NRG3: variants seen among roughly 807,000 people sequenced by gnomAD.
NRG3 encodes neuregulin 3, also known as pro-neuregulin-3, membrane-bound isoform.
In NRG3, 31 loss-of-function variants were observed where a neutral mutation model predicts 66.9. The ratio of observed to expected loss-of-function variants is 0.46; its 90% CI spans 0.35 to 0.63. The LOEUF (loss-of-function observed/expected upper bound fraction) is 0.63. NRG3 is among the 20% of genes least tolerant of loss of function. The pLI, the probability that NRG3 is intolerant of heterozygous loss-of-function variation, is 0.00. For missense variants in NRG3, 910 were observed against 878.9 expected (o/e 1.04, Z -0.45); for synonymous variants, 393 against 359.4 (o/e 1.09, Z -1.06).
chr10:81,929,820 C>A (rs1179916913), intron 1 of NRG3, among the ~76,000 whole-genome samples: 1 of 152,168 alleles, frequency 6.6e-6, no homozygotes, highest in Non-Finnish European at 1.5e-5. Flanking sequence ...AGAAGTCTAC[C>A]AGATGATTCT....
In NRG3 at chr10:82,238,988, G is replaced by C. The variant is rs1001064763; in HGVS notation, c.824-119751G>C. ...TTCTTTACTTCCTCCAAGTCATAAA[G>C]ATATTTTCTCATGGTTTTTTCTTAT... On this transcript the variant is annotated intron_variant, in intron 1 of 8. Transcript: ENST00000372141. Among the ~76,000 whole-genome samples, 3 of 136,644 alleles carry C rather than the reference G, an allele frequency of 2.2e-5. 1 individual carries two copies. The South Asian group carries it at 6.8e-4, about 31-fold the overall frequency. 89.6% of individuals were successfully genotyped at this position (136,644 alleles called of 152,430 possible). A position where few individuals can be genotyped will look rare whatever the true frequency, so the allele number is the denominator to read the frequency against.
At chr10:82,984,008 C>T (rs958153136) in intron 8 of NRG3, among the ~76,000 whole-genome samples, 1 of 152,202 alleles carries the variant, frequency 6.6e-6, no homozygotes, top group Non-Finnish European at 1.5e-5. Flanking sequence ...TTATTATCTA[C>T]ATGTATAAAC....
At chr10:82,769,702 T>C (rs368557953) in intron 3 of NRG3, among the ~76,000 whole-genome samples, 3 of 152,238 alleles carry the variant, frequency 2.0e-5, no homozygotes, top group South Asian at 2.1e-4. Flanking sequence ...TAAAAATTAC[T>C]AGCACAAGTC....
chr10:82,598,077 G>A (rs1185821253), intron 2 of NRG3, among the ~76,000 whole-genome samples: 1 of 152,154 alleles, frequency 6.6e-6, no homozygotes, highest in East Asian at 1.9e-4. Context: ...AGTGGTCTGA[G>A]TCATTGTGAT....
At chr10:82,249,923 G>T (rs1018622847) in intron 1 of NRG3, among the ~76,000 whole-genome samples, 2 of 152,158 alleles carry the variant, frequency 1.3e-5, no homozygotes, top group African/African-American at 4.8e-5. Flanking sequence ...AAAAAGATTT[G>T]CTGCAGAAAT....
At position 82,260,102 on chromosome 10, in the gene NRG3, G is replaced by A. The variant is rs567045966; in HGVS notation, c.824-98637G>A. On this transcript the variant is annotated intron_variant, in intron 1 of 8. Coordinates refer to ENST00000372141, the MANE Select transcript of NRG3 (RefSeq NM_001010848.4). Reference sequence around the variant, plus strand: ...AAGGCTGAAAAGTTGCCTAGACAGGGTTGGTTCATAAATGGATTGCTCTTT... The same window carrying A: ...AAGGCTGAAAAGTTGCCTAGACAGGATTGGTTCATAAATGGATTGCTCTTT... Among the ~76,000 whole-genome samples the A allele has an allele frequency of 3.3e-5, 5 of 152,304 alleles. No homozygotes were observed. In the South Asian group the frequency reaches 1.0e-3, roughly 32 times the overall value.
chr10:82,116,274 T>C (rs2067711961), intron 1 of NRG3, among the ~76,000 whole-genome samples: 1 of 152,034 alleles, frequency 6.6e-6, no homozygotes, highest in Non-Finnish European at 1.5e-5. Flanking sequence ...AAAAAACCCT[T>C]AAAAGGAGGG....
At chr10:82,673,586 T>G (rs2053453764) in intron 2 of NRG3, among the ~76,000 whole-genome samples, 1 of 152,202 alleles carries the variant, frequency 6.6e-6, no homozygotes, top group Non-Finnish European at 1.5e-5. Context: ...GAGGTCAGGA[T>G]AACTCCTTGA....
At chr10:82,669,687 G>A (rs143055309) in intron 2 of NRG3, among the ~76,000 whole-genome samples, 3,924 of 152,210 alleles carry the variant, frequency 0.026, 194 homozygotes, top group African/African-American at 0.089. Flanking sequence ...CCAGCACTTT[G>A]GGAGGCCGAG....
intron 1 of NRG3, among the ~76,000 whole-genome samples, chr10:82,234,816 G>A (rs1253173640): frequency 6.6e-6 from 1 of 152,192 alleles, no homozygotes; most frequent in Non-Finnish European, 1.5e-5. Flanking sequence ...GGCTGACAAG[G>A]CTGTCTACAC....
At chr10:82,293,148 T>C (rs2079842904) in intron 1 of NRG3, among the ~76,000 whole-genome samples, 1 of 152,176 alleles carries the variant, frequency 6.6e-6, no homozygotes, top group South Asian at 2.1e-4. Flanking sequence ...GAGAGAACTG[T>C]CTTTTCAGGT....
chr10:82,247,752 G>A (rs931724495), intron 1 of NRG3, among the ~76,000 whole-genome samples: 7 of 151,936 alleles, frequency 4.6e-5, no homozygotes, highest in African/African-American at 1.7e-4. Context: ...ACCCCTCTAG[G>A]GTACTTACCA....
chr10:82,849,558 G>A (rs908947850), intron 3 of NRG3, among the ~76,000 whole-genome samples: 7 of 152,168 alleles, frequency 4.6e-5, no homozygotes, highest in Non-Finnish European at 8.8e-5. Flanking sequence ...GTAAAGAAAA[G>A]TAGGGTGAGG....
At chr10:82,345,456 G>A (rs1420189608) in intron 1 of NRG3, among the ~76,000 whole-genome samples, 1 of 151,770 alleles carries the variant, frequency 6.6e-6, no homozygotes, top group Non-Finnish European at 1.5e-5. Context: ...ATGCTGTTTT[G>A]GTTACTATAG....
At chr10:82,211,488 C>T (rs563770475) in intron 1 of NRG3, among the ~76,000 whole-genome samples, 100 of 152,184 alleles carry the variant, frequency 6.6e-4, no homozygotes, top group African/African-American at 2.3e-3. Flanking sequence ...TCTGGGGAGT[C>T]GAAAGGCATC....
intron 3 of NRG3, among the ~76,000 whole-genome samples, chr10:82,841,170 C>T (rs907989463): frequency 6.6e-6 from 1 of 152,052 alleles, no homozygotes; most frequent in Admixed American, 6.6e-5. Context: ...CTGCCAATAG[C>T]CAGAAACTGG....
intron 4 of NRG3, among the ~76,000 whole-genome samples, chr10:82,941,150 G>A (rs536984538): frequency 3.6e-4 from 55 of 152,038 alleles, no homozygotes; most frequent in African/African-American, 1.3e-3. Flanking sequence ...GCTTTCTCAG[G>A]GTTGCTTGTA....
intron 6 of NRG3, among the ~76,000 whole-genome samples, chr10:82,959,567 C>T (rs866584003): frequency 2.0e-5 from 3 of 152,178 alleles, no homozygotes; most frequent in Admixed American, 1.3e-4. Flanking sequence ...ACAACAGAGT[C>T]GGACTCGGAC....
At position 82,423,082 on chromosome 10, in the gene NRG3, G is replaced by T. The variant is rs148838916; in HGVS notation, c.953+64214G>T. Among the ~76,000 whole-genome samples the T allele has an allele frequency of 5.3e-3, 799 of 151,892 alleles. 7 individuals carry two copies. Among genetic ancestry groups the T allele is most frequent in the African/African-American group, 0.019 (778 of 41,472 alleles). ...AGTTTGTGCACATCAATAGAATTTT[G>T]TTCAAATAAATTAGACTATAGACTA... On this transcript the variant is annotated intron_variant, in intron 2 of 8. Coordinates refer to ENST00000372141, the MANE Select transcript of NRG3 (RefSeq NM_001010848.4).
Sources: gnomAD v4.1 joint callset for allele counts (sites outside exome capture counted in the v4.1 genomes callset) on GRCh38, gnomAD v4.1.1 for gene constraint, MANE v1.5 for transcripts, NCBI Gene and HGNC (gene_info 2026-07-23, HGNC 2026-07-21) for gene names.